Variants in MED27 observed in about 807,000 individuals in gnomAD.
MED27 encodes the protein mediator complex subunit 27.
Under a neutral mutation model 38.2 loss-of-function variants are expected in MED27, and 30 were observed. The ratio of observed to expected loss-of-function variants is 0.79; its 90% CI spans 0.59 to 1.07. The LOEUF (loss-of-function observed/expected upper bound fraction) is 1.07. MED27 is among the 50% of genes least tolerant of loss of function. The pLI is 0.00. For synonymous variants in MED27, 122 were observed against 153.5 expected, an observed-to-expected ratio of 0.79 and a Z score of 1.52; for missense variants, 289 against 397.5, an observed-to-expected ratio of 0.73 and a Z score of 2.32.
At chr9:131,987,793 G>A (rs551498219) in intron 3 of MED27, among the ~76,000 whole-genome samples, 3 of 151,714 alleles carry the variant, frequency 2.0e-5, no homozygotes, top group African/African-American at 7.3e-5. Flanking sequence ...TGCTGGAATG[G>A]GTACAAGAAA....
intron 3 of MED27, among the ~76,000 whole-genome samples, chr9:131,967,577 G>A (rs1436501536): frequency 3.3e-5 from 5 of 151,284 alleles, no homozygotes; most frequent in South Asian, 2.1e-4. Context: ...CTGCAACCTC[G>A]GCCTCCCGGG....
At chr9:131,914,299 A>G (rs761912107) in intron 4 of MED27, among the ~76,000 whole-genome samples, 5 of 152,232 alleles carry the variant, frequency 3.3e-5, no homozygotes, top group Non-Finnish European at 7.3e-5. Flanking sequence ...GCCATGTAGT[A>G]CAGCAGAAAG....
At chr9:131,903,858 G>A (rs1829999510) in intron 4 of MED27, among the ~76,000 whole-genome samples, 1 of 150,088 alleles carries the variant, frequency 6.7e-6, no homozygotes, top group Admixed American at 6.6e-5. Flanking sequence ...CTCCCAAATA[G>A]TTGGGACTAT....
intron 2 of MED27, among the ~76,000 whole-genome samples, chr9:132,055,222 T>C (rs1042654001): frequency 1.3e-5 from 2 of 152,212 alleles, no homozygotes; most frequent in Admixed American, 1.3e-4. Context: ...TATTCTTCAT[T>C]TCTGTCAGCA....
chr9:132,073,367 T>A (rs1162410717), intron 2 of MED27: 1 of 1,018,098 alleles, frequency 9.8e-7, no homozygotes, highest in Admixed American at 5.8e-5. Context: ...TCGATTCATT[T>A]ATTCTTTCAT....
At chr9:131,943,380 AG>A (rs761775522) in intron 3 of MED27, among the ~76,000 whole-genome samples, 37 of 152,190 alleles carry the variant, frequency 2.4e-4, no homozygotes, top group South Asian at 6.2e-4. Context: ...TTGTTGAGGG[AG>A]GGGGTGTTGG....
chr9:132,060,765 A>G (rs1589296146), intron 2 of MED27, among the ~76,000 whole-genome samples: 1 of 152,214 alleles, frequency 6.6e-6, no homozygotes, highest in East Asian at 1.9e-4. Flanking sequence ...CCTGGCCAAT[A>G]TGGTGAGATC....
At chr9:131,964,337 G>GGGGGTGGAGGTGGTGATA (rs1831290524) in intron 3 of MED27, among the ~76,000 whole-genome samples, 1 of 151,958 alleles carries the variant, frequency 6.6e-6, no homozygotes, top group Non-Finnish European at 1.5e-5. Flanking sequence ...AGGTGATGGT[G>GGGGGTGGAGGTGGTGATA]GTGGTGGTGG....
rs367872305 is a variant in MED27, at chr9:131,929,105, C to T, written c.573+10276G>A. On this transcript the variant is annotated intron_variant, in intron 4 of 7. Transcript: ENST00000292035. The stretch of plus-strand genomic sequence containing the variant: ...GCCCTAGCTCCCAAATGATATTTCT[C>T]GACACCTTGGGCCAGAAGGGAATCT... Among the ~76,000 whole-genome samples the T allele has an allele frequency of 3.3e-3, 498 of 152,320 alleles. 4 individuals are homozygous for T. The highest frequency in any genetic ancestry group is 4.5e-3 in the Non-Finnish European group (307 of 68,024).
chr9:131,969,971 G>C (rs990546419), intron 3 of MED27, among the ~76,000 whole-genome samples: 3 of 152,192 alleles, frequency 2.0e-5, no homozygotes, highest in Non-Finnish European at 4.4e-5. Context: ...AGGGCTGGGG[G>C]GGGGTGGGGG....
chr9:131,974,739 T>C (rs1179881817), intron 3 of MED27, among the ~76,000 whole-genome samples: 1 of 152,194 alleles, frequency 6.6e-6, no homozygotes, highest in East Asian at 1.9e-4. Flanking sequence ...TATACTTGAC[T>C]TTGACTGTAA....
intron 2 of MED27, among the ~76,000 whole-genome samples, chr9:132,062,929 C>T (rs1362260438): frequency 6.6e-6 from 1 of 152,166 alleles, no homozygotes; most frequent in Non-Finnish European, 1.5e-5. Context: ...GCCATCAATA[C>T]ATTTTCAGCA....
intron 3 of MED27, among the ~76,000 whole-genome samples, chr9:132,000,879 C>G (rs1490188085): frequency 6.6e-6 from 1 of 151,818 alleles, no homozygotes; most frequent in Non-Finnish European, 1.5e-5. Context: ...AGCTACCACG[C>G]CTAGTCAAAA....
At chr9:132,020,315 G>A (rs763873577) in intron 2 of MED27, among the ~76,000 whole-genome samples, 12 of 152,262 alleles carry the variant, frequency 7.9e-5, no homozygotes, top group East Asian at 7.7e-4. Context: ...GGTGGCTGGC[G>A]TAAGTGCACT....
chr9:132,011,586 G>A (rs755228021), intron 3 of MED27, among the ~76,000 whole-genome samples: 6 of 152,116 alleles, frequency 3.9e-5, no homozygotes, highest in Non-Finnish European at 7.3e-5. Flanking sequence ...AGGATCATTT[G>A]AGCTCAGGAG....
chr9:132,011,572 T>A (rs889506757), intron 3 of MED27, among the ~76,000 whole-genome samples: 13 of 151,960 alleles, frequency 8.6e-5, no homozygotes, highest in Non-Finnish European at 1.5e-4. Flanking sequence ...AAGGTCAAGG[T>A]GAGAGGATCA....
intron 3 of MED27, among the ~76,000 whole-genome samples, chr9:131,973,727 A>C (rs1368327933): frequency 1.3e-5 from 2 of 151,586 alleles, no homozygotes; most frequent in African/African-American, 4.8e-5. Flanking sequence ...TTTTTCTTCG[A>C]GACGGAGTCT....
intron 4 of MED27, among the ~76,000 whole-genome samples, chr9:131,930,459 G>C (rs1421779634): frequency 6.6e-6 from 1 of 152,126 alleles, no homozygotes; most frequent in African/African-American, 2.4e-5. Flanking sequence ...AGAGTGGCAT[G>C]GCATATTTGA....
intron 6 of MED27, chr9:131,868,853 A>G: frequency 2.0e-6 from 2 of 985,486 alleles, no homozygotes; most frequent in South Asian, 9.4e-5. Context: ...GAGATTCACA[A>G]ATGTGCCTGC....
Sources: gnomAD v4.1 joint callset for allele counts (sites outside exome capture counted in the v4.1 genomes callset) on GRCh38, gnomAD v4.1.1 for gene constraint, MANE v1.5 for transcripts, NCBI Gene and HGNC (gene_info 2026-07-23, HGNC 2026-07-21) for gene names.